COX18: variants seen among roughly 807,000 people sequenced by gnomAD.
COX18 encodes the protein cytochrome c oxidase assembly factor COX18.
COX18 carries 45 observed loss-of-function variants against 38.0 expected under a neutral mutation model. The observed-to-expected ratio is 1.18, with a 90% confidence interval of 0.93 to 1.52. The LOEUF (loss-of-function observed/expected upper bound fraction) is 1.52, where lower values mean the gene tolerates loss of function less well. COX18 is among the 40% of genes most tolerant of loss of function. The pLI is 0.00. For missense variants in COX18, 462 were observed against 423.8 expected, an observed-to-expected ratio of 1.09 and a Z score of -0.79; for synonymous variants, 177 against 169.8, an observed-to-expected ratio of 1.04 and a Z score of -0.33.
At chr4:73,067,969 T>C in intron 2 of COX18, 60 bp downstream of exon 2, 1 of 921,596 alleles carries the variant, frequency 1.1e-6, no homozygotes. Flanking sequence ...TGTGTGTGTG[T>C]GTGTGTGTGT....
intron 5 of COX18, 28 bp from the exon 6 acceptor site, chr4:73,058,315 A>T (rs1719994330): frequency 1.3e-6 from 2 of 1,530,938 alleles, no homozygotes; most frequent in Non-Finnish European, 1.8e-6. Flanking sequence ...AAATGTTAGC[A>T]TCTGTAATTC....
rs1453812410 is a variant in COX18 at position 73,055,741 on chromosome 4, C to T, written c.*2373G>A. 6.6e-6 allele frequency: 1 copy of T among 152,132 alleles called. No homozygotes were observed. Among genetic ancestry groups the T allele is most frequent in the Non-Finnish European group, 1.5e-5 (1 of 68,026 alleles). 9.4% of individuals were successfully genotyped at this position (152,132 alleles called of 1,614,324 possible). A position where few individuals can be genotyped will look rare whatever the true frequency, so the allele number is the denominator to read the frequency against. ...CTCACATTTTTGCCTACAAATGGCT[C>T]AAAAGCACTTGTGCAAGTACTGGTT... On this transcript the variant is annotated 3_prime_UTR_variant, in exon 6 of 6. Coordinates refer to ENST00000507544, the MANE Select transcript of COX18 (RefSeq NM_001297732.2).
chr4:73,053,154 C>T lies in COX18; in HGVS notation c.*4960G>A, dbSNP rs1352386324. 2 of 152,112 alleles carry T rather than the reference C, an allele frequency of 1.3e-5. No homozygotes were observed. Among genetic ancestry groups the T allele is most frequent in the Non-Finnish European group, 2.9e-5 (2 of 68,038 alleles). 9.4% of individuals were successfully genotyped at this position (152,112 alleles called of 1,614,324 possible). On this transcript the variant is annotated 3_prime_UTR_variant, in exon 6 of 6. Transcript: ENST00000507544. ...TCATCTAGGAGGACCTCTGTACCTC[C>T]TCTGAGATGTGAACTGTGGGAAAAC...
chr4:73,069,374 G>A lies in COX18; in HGVS notation c.276C>T (p.Ala92=), dbSNP rs759198768. Residue 92 remains alanine, a synonymous_variant, in exon 1 of 6, where the codon GCC becomes GCT. Transcript: ENST00000507544. ...WWGSILLSTV[A]LRGAVTLPLA... ...AAGGCAGCGTGACAGCACCCCGTAA[G>A]GCCACGGTGGAGAGCAGAATGCTGC... 1.9e-6 allele frequency: 3 copies of A among 1,559,202 alleles called. No individual in the cohort carries two copies. Among genetic ancestry groups the A allele is most frequent in the East Asian group, 4.8e-5 (2 of 41,766 alleles).
rs1187078005 is a variant in COX18 at position 73,054,179 on chromosome 4, C to G, written c.*3935G>C. ...TGCAGGGCCCAGCGCAGAGCCTCAG[C>G]AACTGAGGGGATATAGGCAAGCCAG... On this transcript the variant is annotated 3_prime_UTR_variant, in exon 6 of 6. Transcript: ENST00000507544. The G allele has an allele frequency of 6.6e-6, 1 of 152,268 alleles. No homozygotes were observed. The highest frequency in any genetic ancestry group is 1.5e-5 in the Non-Finnish European group (1 of 68,104). 9.4% of individuals were successfully genotyped at this position (152,268 alleles called of 1,614,324 possible).
At chr4:73,060,635 C>T (rs1297718878) in intron 5 of COX18, among the ~76,000 whole-genome samples, 1 of 152,096 alleles carries the variant, frequency 6.6e-6, no homozygotes, top group Non-Finnish European at 1.5e-5. Flanking sequence ...AATCCCAGCA[C>T]TTTGGGAGGC....
intron 5 of COX18, among the ~76,000 whole-genome samples, chr4:73,059,578 T>G (rs1482613586): frequency 6.6e-6 from 1 of 152,210 alleles, no homozygotes; most frequent in Non-Finnish European, 1.5e-5. Flanking sequence ...GTGTTAAGAC[T>G]CTATCACTTA....
At chr4:73,060,139 G>C (rs1720078286) in intron 5 of COX18, among the ~76,000 whole-genome samples, 1 of 152,230 alleles carries the variant, frequency 6.6e-6, no homozygotes, top group Non-Finnish European at 1.5e-5. Context: ...GAGAGCAGCA[G>C]TCTGGGTCTC....
chr4:73,067,384 AAC>A (rs1347598157), intron 2 of COX18, among the ~76,000 whole-genome samples: 4 of 152,146 alleles, frequency 2.6e-5, no homozygotes, highest in African/African-American at 7.2e-5. Context: ...ATCTTTATAT[AAC>A]AGTTAGTTCA....
intron 2 of COX18, among the ~76,000 whole-genome samples, chr4:73,067,598 T>C (rs1386895530): frequency 6.6e-6 from 1 of 151,526 alleles, no homozygotes; most frequent in Non-Finnish European, 1.5e-5. Flanking sequence ...TCCCAGCACT[T>C]TGGGAGGCCG....
At chr4:73,061,702 C>T (rs571408314) in intron 5 of COX18, 111 bp downstream of exon 5, 98 of 624,618 alleles carry the variant, frequency 1.6e-4, no homozygotes, top group African/African-American at 9.2e-4. Context: ...AGCGAGACTC[C>T]GTCTCAAAAA....
rs1483861249 is a variant in COX18, at chr4:73,064,787, TAAC to T, written c.711_713del (p.Leu238del). 1 of 1,613,514 alleles carries T rather than the reference TAAC, an allele frequency of 6.2e-7. No homozygotes were observed. The highest frequency in any genetic ancestry group is 2.2e-5 in the East Asian group (1 of 44,854). On this transcript the variant is annotated inframe_deletion, in exon 4 of 6. Transcript: ENST00000507544. ...ATTTAAAACTACTGACCTCCACTAT[TAAC>T]AAATTGATGACGCCAACAGAGATAG... is the stretch of plus-strand genomic sequence containing the variant.
At position 73,069,376 on chromosome 4, in the gene COX18, C is replaced by T; in HGVS notation, c.274G>A (p.Ala92Thr). 6.4e-7 allele frequency: 1 copy of T among 1,559,782 alleles called. No homozygotes were observed. The highest frequency in any genetic ancestry group is 8.7e-7 in the Non-Finnish European group (1 of 1,152,878). Residue 92 changes from alanine (A) to threonine (T), a missense_variant, in exon 1 of 6, where the codon GCC becomes ACC. By Grantham distance (58) the Ala-to-Thr change is moderately conservative. Coordinates refer to ENST00000507544, the MANE Select transcript of COX18 (RefSeq NM_001297732.2). ...GGCAGCGTGACAGCACCCCGTAAGG[C>T]CACGGTGGAGAGCAGAATGCTGCCC... ...WWGSILLSTV[A>T]LRGAVTLPLA...
chr4:73,060,879 CAAAAA>C (rs34253453), intron 5 of COX18, among the ~76,000 whole-genome samples: 1 of 127,436 alleles, frequency 7.8e-6, no homozygotes, highest in African/African-American at 2.9e-5. Flanking sequence ...GACTCCATCT[CAAAAA>C]AAAAAAAAAA....
chr4:73,064,187 A>G (rs1255235395), intron 4 of COX18, among the ~76,000 whole-genome samples: 1 of 151,968 alleles, frequency 6.6e-6, no homozygotes, highest in East Asian at 1.9e-4. Flanking sequence ...CAGGAGGCAG[A>G]GGTTGCAGTG....
intron 4 of COX18, among the ~76,000 whole-genome samples, chr4:73,062,383 A>C (rs530244121): frequency 1.6e-4 from 25 of 152,234 alleles, no homozygotes; most frequent in African/African-American, 5.8e-4. Flanking sequence ...ACAAAAAAAA[A>C]ACACTAATTA....
In COX18 at chr4:73,065,270, G is replaced by A; in HGVS notation, c.578C>T (p.Thr193Met). 3.1e-6 allele frequency: 5 copies of A among 1,610,754 alleles called. No homozygotes were observed. Among genetic ancestry groups the A allele is most frequent in the South Asian group, 2.2e-5 (2 of 90,954 alleles). ...ATTACCTTCTGAATGTGCTGCCCCC[G>A]TGCTTAAATTCCGGAGAGCAAAAGA... ...FMSFALRNLS[T>M]GAAHSEAGFS... Residue 193 changes from threonine to methionine, a missense_variant, in exon 3 of 6, where the codon ACG becomes ATG. Thr to Met is a moderately conservative substitution (Grantham distance 81). Coordinates refer to ENST00000507544, the MANE Select transcript of COX18 (RefSeq NM_001297732.2).
Position 73,069,696 on chromosome 4 carries a change from G to T in COX18, c.-47C>A, listed in dbSNP as rs1323897240. The T allele has an allele frequency of 7.9e-6, 12 of 1,514,468 alleles. No individual in the cohort carries two copies. The highest frequency in any genetic ancestry group is 8.9e-6 in the Non-Finnish European group (10 of 1,127,870). 93.8% of individuals were successfully genotyped at this position (1,514,468 alleles called of 1,614,324 possible). ...AGATCCCGGGCCTCACAATCCAGCG[G>T]ACATACACCGGCCAGCCAAGGCTGA... On this transcript the variant is annotated 5_prime_UTR_variant, in exon 1 of 6. Coordinates refer to ENST00000507544, the MANE Select transcript of COX18 (RefSeq NM_001297732.2).
At chr4:73,064,388 C>A (rs1198619175) in intron 4 of COX18, among the ~76,000 whole-genome samples, 1 of 152,222 alleles carries the variant, frequency 6.6e-6, no homozygotes, top group African/African-American at 2.4e-5. Flanking sequence ...CAGGGCCTGA[C>A]TTGTGTTCTC....
Sources: allele counts gnomAD v4.1 joint callset (sites outside exome capture counted in the v4.1 genomes callset), GRCh38; gene constraint gnomAD v4.1.1; transcripts MANE v1.5; gene names NCBI Gene and HGNC (gene_info 2026-07-23, HGNC 2026-07-21).